SNTG1: variants seen among roughly 807,000 people sequenced by gnomAD.
SNTG1 encodes the protein syntrophin gamma 1.
A neutral mutation model predicts 74.7 loss-of-function variants in SNTG1; 39 were observed. The observed-to-expected ratio is 0.52, with a 90% CI of 0.40 to 0.68. The LOEUF (loss-of-function observed/expected upper bound fraction) is 0.68, where lower values mean the gene tolerates loss of function less well. Ranked by LOEUF, SNTG1 falls within the 30% of genes least tolerant of loss-of-function variation. The pLI is 0.00. For missense variants in SNTG1, 685 were observed against 609.5 expected, an observed-to-expected ratio of 1.12 and a Z score of -1.30; for synonymous variants, 254 against 217.1, an observed-to-expected ratio of 1.17 and a Z score of -1.49.
At position 50,146,864 on chromosome 8, in the gene SNTG1, C is replaced by CT. The variant is rs577310066; in HGVS notation, c.-102-25688dup. Among the ~76,000 whole-genome samples, 559 of 150,350 alleles carry CT rather than the reference C, an allele frequency of 3.7e-3. 2 individuals are homozygous for CT. Among genetic ancestry groups the CT allele is most frequent in the Middle Eastern group, 6.9e-3 (2 of 288 alleles). Reference sequence around the variant, plus strand: ...AAAAGTCTTGTGATGATTTTTTGTTCTTTTTTTTTCTTGTTGAGTTTTAAG... The same window carrying CT: ...AAAAGTCTTGTGATGATTTTTTGTTCTTTTTTTTTTCTTGTTGAGTTTTAAG... On this transcript the variant is annotated intron_variant, in intron 1 of 18. Transcript: ENST00000642720.
intron 1 of SNTG1, among the ~76,000 whole-genome samples, chr8:50,130,180 A>T (rs762677067): frequency 2.0e-5 from 3 of 152,190 alleles, no homozygotes; most frequent in African/African-American, 4.8e-5. Context: ...GCTATAAAAT[A>T]TAACAAAATA....
chr8:49,918,608 G>GGA (rs57377568), intron 1 of SNTG1, among the ~76,000 whole-genome samples: 1 of 152,026 alleles, frequency 6.6e-6, no homozygotes, highest in African/African-American at 2.4e-5. Flanking sequence ...CAAATTGGAG[G>GGA]CAGATGTCTT....
intron 2 of SNTG1, among the ~76,000 whole-genome samples, chr8:50,277,008 G>T (rs957490918): frequency 8.6e-5 from 13 of 151,894 alleles, no homozygotes; most frequent in Non-Finnish European, 1.8e-4. Context: ...TTTTTGATTT[G>T]TAGTAGAGAT....
chr8:50,734,936 GAT>G (rs201818262), intron 17 of SNTG1, among the ~76,000 whole-genome samples: 5,833 of 129,058 alleles, frequency 0.045, 328 homozygotes, highest in Non-Finnish European at 0.061. Context: ...TACATATATA[GAT>G]ATATATGGAC....
intron 2 of SNTG1, among the ~76,000 whole-genome samples, chr8:50,327,262 GTT>G (rs2090786158): frequency 6.6e-6 from 1 of 152,124 alleles, no homozygotes; most frequent in Non-Finnish European, 1.5e-5. Context: ...GTAGAGGGGT[GTT>G]TAAGTTGCAA....
At chr8:50,628,297 A>C (rs1337936273) in intron 13 of SNTG1, among the ~76,000 whole-genome samples, 1 of 152,132 alleles carries the variant, frequency 6.6e-6, no homozygotes, top group Non-Finnish European at 1.5e-5. Context: ...GATTGATTTA[A>C]GCCTCGGAAT....
intron 2 of SNTG1, among the ~76,000 whole-genome samples, chr8:50,301,081 T>A (rs924217205): frequency 3.3e-5 from 5 of 152,132 alleles, no homozygotes; most frequent in African/African-American, 1.2e-4. Flanking sequence ...TATTTGGAGT[T>A]TATGGAGCTA....
intron 4 of SNTG1, among the ~76,000 whole-genome samples, chr8:50,404,680 C>T (rs1397572228): frequency 6.6e-6 from 1 of 151,738 alleles, no homozygotes; most frequent in Non-Finnish European, 1.5e-5. Context: ...ACCATCTTAA[C>T]TATTTTTAAG....
At chr8:50,167,177 A>G (rs2082646821) in intron 1 of SNTG1, among the ~76,000 whole-genome samples, 1 of 147,500 alleles carries the variant, frequency 6.8e-6, no homozygotes, top group South Asian at 2.2e-4. Context: ...ATGCTAGATG[A>G]CACGTTAGTG....
chr8:50,364,093 A>G (rs535063680), intron 2 of SNTG1, among the ~76,000 whole-genome samples: 1 of 152,240 alleles, frequency 6.6e-6, no homozygotes, highest in African/African-American at 2.4e-5. Context: ...GTTCCATTAC[A>G]TAGACAATAG....
intron 1 of SNTG1, among the ~76,000 whole-genome samples, chr8:49,933,586 C>G (rs1807788049): frequency 6.6e-6 from 1 of 152,184 alleles, no homozygotes; most frequent in Admixed American, 6.5e-5. Context: ...GTTGTTCCAG[C>G]ACCATTTGTT....
At chr8:50,199,367 A>G (rs1056849489) in intron 2 of SNTG1, among the ~76,000 whole-genome samples, 3 of 151,780 alleles carry the variant, frequency 2.0e-5, no homozygotes, top group Non-Finnish European at 4.4e-5. Context: ...ACAGGTGCCC[A>G]CCACTACACC....
chr8:50,099,963 T>C (rs1164356189), intron 1 of SNTG1, among the ~76,000 whole-genome samples: 1 of 152,064 alleles, frequency 6.6e-6, no homozygotes, highest in Non-Finnish European at 1.5e-5. Context: ...ATTCCTTGGC[T>C]TTTTTTAGTT....
intron 2 of SNTG1, among the ~76,000 whole-genome samples, chr8:50,218,493 AT>A: frequency 6.6e-6 from 1 of 152,060 alleles, no homozygotes; most frequent in African/African-American, 2.4e-5. Flanking sequence ...AAAAATAACT[AT>A]TTTTCTTAAA....
chr8:50,782,832 G>A (rs2095663741), intron 18 of SNTG1, among the ~76,000 whole-genome samples: 1 of 152,092 alleles, frequency 6.6e-6, no homozygotes, highest in African/African-American at 2.4e-5. Flanking sequence ...CATCTTTGTG[G>A]TTTTGTCTAC....
rs569439890 is a variant in SNTG1, at chr8:50,794,257, G to A, written c.*1428G>A. 61 of 151,218 alleles carry A rather than the reference G, an allele frequency of 4.0e-4. 2 individuals carry two copies. The South Asian group carries it at 0.011, about 28-fold the overall frequency. The allele number at this position is 151,218 out of a possible 1,614,324, so 9.4% of individuals were successfully genotyped here. Reference sequence around the variant, plus strand: ...AAATATGTTTTTAAAAATCACTCAAGAAGGAAACAAAGTGATTTCTATAAA... The same window carrying A: ...AAATATGTTTTTAAAAATCACTCAAAAAGGAAACAAAGTGATTTCTATAAA... On this transcript the variant is annotated 3_prime_UTR_variant, in exon 19 of 19. Coordinates refer to ENST00000642720, the MANE Select transcript of SNTG1 (RefSeq NM_018967.5).
At chr8:50,485,945 T>G (rs1467398154) in intron 8 of SNTG1, among the ~76,000 whole-genome samples, 2 of 151,196 alleles carry the variant, frequency 1.3e-5, no homozygotes, top group Non-Finnish European at 3.0e-5. Flanking sequence ...CCCCATTGCT[T>G]GTTTTTCTCA....
chr8:50,425,017 A>G (rs1248895708), intron 4 of SNTG1, among the ~76,000 whole-genome samples: 1 of 152,194 alleles, frequency 6.6e-6, no homozygotes, highest in Non-Finnish European at 1.5e-5. Flanking sequence ...ATGAGAAATC[A>G]ATAGTTTTTT....
At chr8:50,703,854 T>TTCA (rs2095434566) in intron 15 of SNTG1, among the ~76,000 whole-genome samples, 1 of 152,180 alleles carries the variant, frequency 6.6e-6, no homozygotes, top group Non-Finnish European at 1.5e-5. Context: ...GCATATGCAG[T>TTCA]TCATCATTAA....
Sources: allele counts gnomAD v4.1 joint callset (sites outside exome capture counted in the v4.1 genomes callset), GRCh38; gene constraint gnomAD v4.1.1; transcripts MANE v1.5; gene names NCBI Gene and HGNC (gene_info 2026-07-23, HGNC 2026-07-21).